NAALADL2: variants seen among roughly 807,000 people sequenced by gnomAD.
NAALADL2 encodes inactive N-acetylated-alpha-linked acidic dipeptidase-like protein 2.
Under a neutral mutation model 87.2 loss-of-function variants are expected in NAALADL2, and 76 were observed. The ratio of observed to expected loss-of-function variants is 0.87; its 90% CI spans 0.72 to 1.05. The LOEUF (loss-of-function observed/expected upper bound fraction) is 1.05, where lower values mean the gene tolerates loss of function less well. Among genes scored for constraint, NAALADL2 ranks in the 50% least tolerant of loss-of-function variants. NAALADL2 has a pLI of 0.00. For missense variants in NAALADL2, 1,089 were observed against 945.8 expected (o/e 1.15, Z -1.99); for synonymous variants, 354 against 331.0 (o/e 1.07, Z -0.75).
chr3:175,798,498 TA>T (rs375488861), intron 13 of NAALADL2, among the ~76,000 whole-genome samples: 2 of 151,980 alleles, frequency 1.3e-5, no homozygotes, highest in African/African-American at 2.4e-5. Context: ...TTTCACAAAC[TA>T]AAAAAAGATC....
intron 4 of NAALADL2, among the ~76,000 whole-genome samples, chr3:175,300,775 ATTTATTTATTTATTTTAT>A (rs1376096658): frequency 0.014 from 2,026 of 143,934 alleles, 50 homozygotes; most frequent in African/African-American, 0.05. Context: ...TTATTTATTT[ATTTATTTATTTATTTTAT>A]TTTATTTTAT....
intron 1 of NAALADL2, among the ~76,000 whole-genome samples, chr3:174,530,175 A>T (rs750117163): frequency 6.6e-6 from 1 of 152,114 alleles, no homozygotes; most frequent in Non-Finnish European, 1.5e-5. Flanking sequence ...CTTCTACCAG[A>T]TACTCTAAAT....
intron 13 of NAALADL2, among the ~76,000 whole-genome samples, chr3:175,791,515 CTTG>C (rs1185922852): frequency 6.6e-6 from 1 of 152,190 alleles, no homozygotes; most frequent in Non-Finnish European, 1.5e-5. Context: ...ATTATTCACT[CTTG>C]TTGTGGACAA....
chr3:174,728,281 C>T (rs757603376), intron 2 of NAALADL2, among the ~76,000 whole-genome samples: 1 of 151,722 alleles, frequency 6.6e-6, no homozygotes, highest in African/African-American at 2.4e-5. Flanking sequence ...ATGAATTGTC[C>T]CCAAGAAGTC....
intron 5 of NAALADL2, among the ~76,000 whole-genome samples, chr3:175,346,764 C>T (rs1326822675): frequency 1.3e-5 from 2 of 152,112 alleles, no homozygotes; most frequent in Admixed American, 6.6e-5. Flanking sequence ...GAGGGTTAAA[C>T]GACTTGCTGG....
chr3:175,427,965 T>TA (rs2149148345), intron 5 of NAALADL2, among the ~76,000 whole-genome samples: 1 of 152,274 alleles, frequency 6.6e-6, no homozygotes, highest in Admixed American at 6.6e-5. Flanking sequence ...TCTGTGTTAA[T>TA]ACAGAACATT....
intron 3 of NAALADL2, among the ~76,000 whole-genome samples, chr3:174,760,342 C>A (rs1001574476): frequency 6.6e-6 from 1 of 152,114 alleles, no homozygotes; most frequent in African/African-American, 2.4e-5. Flanking sequence ...ATATGAAAAG[C>A]CAGTTGAATT....
chr3:175,433,294 T>C (rs1206755172), intron 5 of NAALADL2, among the ~76,000 whole-genome samples: 1 of 152,070 alleles, frequency 6.6e-6, no homozygotes, highest in African/African-American at 2.4e-5. Flanking sequence ...AAACATTCTT[T>C]AAATGTAGCA....
At chr3:174,729,374 G>A (rs920269359) in intron 2 of NAALADL2, among the ~76,000 whole-genome samples, 10 of 151,978 alleles carry the variant, frequency 6.6e-5, no homozygotes, top group African/African-American at 2.2e-4. Flanking sequence ...CTGAGACATG[G>A]TGAGACTAAG....
At chr3:174,616,371 G>A (rs1257394307) in intron 2 of NAALADL2, among the ~76,000 whole-genome samples, 1 of 151,876 alleles carries the variant, frequency 6.6e-6, no homozygotes, top group East Asian at 1.9e-4. Flanking sequence ...ATACCTTATT[G>A]TAATTTTAGG....
intron 9 of NAALADL2, among the ~76,000 whole-genome samples, chr3:175,493,274 G>C (rs556415002): frequency 6.6e-6 from 1 of 152,094 alleles, no homozygotes; most frequent in East Asian, 1.9e-4. Flanking sequence ...TTTTATTTGA[G>C]AAAGGAATAT....
At chr3:174,719,905 G>A (rs1008048764) in intron 2 of NAALADL2, among the ~76,000 whole-genome samples, 2 of 152,134 alleles carry the variant, frequency 1.3e-5, no homozygotes, top group Non-Finnish European at 2.9e-5. Context: ...GGGTTCAAGC[G>A]ATTCTCCTGC....
intron 2 of NAALADL2, among the ~76,000 whole-genome samples, chr3:174,592,004 T>G (rs1717408007): frequency 6.6e-6 from 1 of 152,164 alleles, no homozygotes; most frequent in South Asian, 2.1e-4. Context: ...TTATTGTTGC[T>G]TTAATAACAG....
chr3:174,692,272 C>T (rs1013494306), intron 2 of NAALADL2, among the ~76,000 whole-genome samples: 2 of 152,096 alleles, frequency 1.3e-5, no homozygotes, highest in Non-Finnish European at 2.9e-5. Context: ...AATGGAACGC[C>T]TCTGGCTTTG....
chr3:175,143,986 G>A (rs1159209550), intron 2 of NAALADL2, among the ~76,000 whole-genome samples: 3 of 151,940 alleles, frequency 2.0e-5, no homozygotes, highest in Admixed American at 6.6e-5. Flanking sequence ...ATGAAAGGAA[G>A]TTATTTTAAA....
intron 1 of NAALADL2, among the ~76,000 whole-genome samples, chr3:174,443,502 A>G (rs1174522330): frequency 1.3e-5 from 2 of 152,224 alleles, no homozygotes; most frequent in South Asian, 2.1e-4. Flanking sequence ...GGATTTGGAT[A>G]TGTTAGGTGT....
intron 9 of NAALADL2, among the ~76,000 whole-genome samples, chr3:175,573,840 T>C (rs1718460392): frequency 6.6e-6 from 1 of 152,002 alleles, no homozygotes; most frequent in Non-Finnish European, 1.5e-5. Context: ...GGGGTCACCA[T>C]AAAAAGGATT....
At chr3:174,834,153 A>G (rs1452360346) in intron 3 of NAALADL2, among the ~76,000 whole-genome samples, 3 of 149,686 alleles carry the variant, frequency 2.0e-5, no homozygotes, top group South Asian at 4.2e-4. Context: ...TTCATTTAAC[A>G]CTTGAAAATC....
chr3:174,937,946 CA>C (rs1332000549), intron 1 of NAALADL2, among the ~76,000 whole-genome samples: 2 of 151,948 alleles, frequency 1.3e-5, no homozygotes, highest in African/African-American at 4.8e-5. Flanking sequence ...CATTTAATTG[CA>C]AAGTTCACTA....
Sources: allele counts gnomAD v4.1 joint callset (sites outside exome capture counted in the v4.1 genomes callset), GRCh38; gene constraint gnomAD v4.1.1; transcripts MANE v1.5; gene names NCBI Gene and HGNC (gene_info 2026-07-23, HGNC 2026-07-21).